The following FRK variants were observed in gnomAD, a reference collection of about 807,000 sequenced individuals.
FRK encodes tyrosine-protein kinase FRK.
Under a neutral mutation model 56.4 loss-of-function variants are expected in FRK, and 51 were observed. The ratio of observed to expected loss-of-function variants is 0.90; its 90% CI spans 0.72 to 1.14. The LOEUF (loss-of-function observed/expected upper bound fraction) is 1.14. FRK is among the 50% of genes most tolerant of loss of function. FRK has a pLI of 0.00. For missense variants in FRK, 570 were observed against 601.4 expected (o/e 0.95, Z 0.55); for synonymous variants, 245 against 217.9 (o/e 1.12, Z -1.10).
At chr6:116,059,889 T>C in intron 1 of FRK, 79 bp downstream of exon 1, 9 of 1,210,942 alleles carry the variant, frequency 7.4e-6, no homozygotes, top group Non-Finnish European at 1.1e-5. Flanking sequence ...CATTAGGGGG[T>C]TGTAGAGAAG....
chr6:115,952,588 C>T (rs1326744006), intron 5 of FRK, among the ~76,000 whole-genome samples: 2 of 151,060 alleles, frequency 1.3e-5, no homozygotes, highest in Non-Finnish European at 2.9e-5. Flanking sequence ...ACCCAAAGGA[C>T]TATAAATCAT....
rs1772256234 is a variant in FRK, at chr6:115,943,001, T to C, written c.1306+19A>G. ...AGTGACATGCAGCAGAAAGGTCCACTTCAGAATTAATTACTCACCACTGTA... is the reference window on the plus strand; with the variant it reads ...AGTGACATGCAGCAGAAAGGTCCACCTCAGAATTAATTACTCACCACTGTA... On this transcript the variant is annotated intron_variant, in intron 7 of 7. Transcript: ENST00000606080. 1.2e-6 allele frequency: 2 copies of C among 1,604,496 alleles called. No individual in the cohort carries two copies. Among genetic ancestry groups the C allele is most frequent in the Admixed American group, 3.4e-5 (2 of 58,020 alleles).
At chr6:116,012,923 T>C (rs1374260244) in intron 1 of FRK, among the ~76,000 whole-genome samples, 2 of 152,158 alleles carry the variant, frequency 1.3e-5, no homozygotes, top group African/African-American at 4.8e-5. Flanking sequence ...AAAATGAAAT[T>C]GATTTTTCTG....
chr6:116,089,867 T>C, the FRK span, among the ~76,000 whole-genome samples: 384 of 152,244 alleles, frequency 2.5e-3, 10 homozygotes, highest in South Asian at 0.044. Context: ...CAAGGCACAT[T>C]TGACTTTACT....
At chr6:116,098,100 C>A in the FRK span, among the ~76,000 whole-genome samples, 1 of 84,240 alleles carries the variant, frequency 1.2e-5, no homozygotes, top group African/African-American at 4.3e-5. Context: ...TTACAGACAG[C>A]TTTTTTTTTT....
In FRK at chr6:115,935,063, C is replaced by G. The variant is rs1315638125; in HGVS notation, c.*7351G>C. 1 of 152,334 alleles carries G rather than the reference C, an allele frequency of 6.6e-6. No homozygotes were observed. Among genetic ancestry groups the G allele is most frequent in the Non-Finnish European group, 1.5e-5 (1 of 68,186 alleles). The allele number at this position is 152,334 out of a possible 1,614,324, so 9.4% of individuals were successfully genotyped here. On this transcript the variant is annotated 3_prime_UTR_variant, in exon 8 of 8. Coordinates refer to ENST00000606080, the MANE Select transcript of FRK (RefSeq NM_002031.3). ...TCTGGTCTGATTGCTGGCAAGATGGCCAAATAGGAACAGCTCTGGTCTGCA... is the reference window on the plus strand; with the variant it reads ...TCTGGTCTGATTGCTGGCAAGATGGGCAAATAGGAACAGCTCTGGTCTGCA...
intron 4 of FRK, among the ~76,000 whole-genome samples, chr6:115,966,090 A>AATG (rs1554226813): frequency 1.4e-5 from 2 of 142,156 alleles, no homozygotes; most frequent in African/African-American, 5.2e-5. Context: ...CTTAAAAAAA[A>AATG]AAGAAGTATT....
chr6:116,018,962 A>T (rs1562288649), intron 1 of FRK, among the ~76,000 whole-genome samples: 1 of 152,170 alleles, frequency 6.6e-6, no homozygotes, highest in African/African-American at 2.4e-5. Flanking sequence ...AAGCTTGAGG[A>T]GCATATTTCT....
intron 2 of FRK, among the ~76,000 whole-genome samples, chr6:115,989,892 A>T (rs1299351904): frequency 2.0e-5 from 3 of 151,956 alleles, no homozygotes; most frequent in African/African-American, 7.2e-5. Context: ...ATACTAATTT[A>T]CATTCCCACT....
intron 4 of FRK, among the ~76,000 whole-genome samples, chr6:115,958,768 A>AG (rs1204679171): frequency 0.15 from 12,046 of 80,582 alleles, 2,133 homozygotes; most frequent in Middle Eastern, 0.22. Flanking sequence ...AGAAAGAAAG[A>AG]GGGGGGGGAA....
At position 115,932,091 on chromosome 6, in the gene FRK, C is replaced by A. The variant is rs956618616; in HGVS notation, c.*10323G>T. 1.3e-5 allele frequency: 2 copies of A among 152,132 alleles called. No homozygotes were observed. Among genetic ancestry groups the A allele is most frequent in the African/African-American group, 2.4e-5 (1 of 41,436 alleles). 9.4% of individuals were successfully genotyped at this position (152,132 alleles called of 1,614,324 possible). On this transcript the variant is annotated 3_prime_UTR_variant, in exon 8 of 8. Transcript: ENST00000606080. ...GGCATCTCTTTTCTTGTAATTTAAT[C>A]TTATAACATCTCTGTAGATAGTGTC...
chr6:116,087,652 G>A, the FRK span, among the ~76,000 whole-genome samples: 21 of 152,368 alleles, frequency 1.4e-4, no homozygotes, highest in African/African-American at 4.3e-4. Context: ...AGAAGGAACA[G>A]GGGGTTAGAG....
intron 2 of FRK, among the ~76,000 whole-genome samples, chr6:115,986,684 TATC>T (rs1774409414): frequency 6.6e-6 from 1 of 152,142 alleles, no homozygotes; most frequent in Admixed American, 6.6e-5. Context: ...GAAATAAAGT[TATC>T]ATAACATTCA....
chr6:116,029,186 A>T (rs1776209721), intron 1 of FRK, among the ~76,000 whole-genome samples: 1 of 152,168 alleles, frequency 6.6e-6, no homozygotes, highest in Non-Finnish European at 1.5e-5. Flanking sequence ...TAAAATAGTG[A>T]CACCACTCAT....
At position 115,968,624 on chromosome 6, in the gene FRK, G is replaced by T; in HGVS notation, c.582C>A (p.Thr194=). The T allele has an allele frequency of 6.2e-7, 1 of 1,613,694 alleles. No individual in the cohort carries two copies. The highest frequency in any genetic ancestry group is 1.3e-5 in the African/African-American group (1 of 74,968). ...STLNEFVSHY[T]KTSDGLCVKL... The stretch of plus-strand genomic sequence containing the variant: ...TGACACACAGGCCGTCACTTGTCTT[G>T]GTGTAGTGGCTCACAAATTCGTTCA... Residue 194 remains threonine, a synonymous_variant, in exon 3 of 8, where the codon ACC becomes ACA. Transcript: ENST00000606080.
At chr6:115,976,464 G>A (rs185240688) in intron 2 of FRK, among the ~76,000 whole-genome samples, 15 of 152,082 alleles carry the variant, frequency 9.9e-5, no homozygotes, top group Non-Finnish European at 1.9e-4. Context: ...ACGTCAAGTC[G>A]GCTCAGTGAA....
chr6:116,007,705 G>T (rs1292249810), intron 1 of FRK, among the ~76,000 whole-genome samples: 1 of 152,066 alleles, frequency 6.6e-6, no homozygotes, highest in Non-Finnish European at 1.5e-5. Flanking sequence ...AGCTGAATTA[G>T]TATATAAAGT....
intron 2 of FRK, among the ~76,000 whole-genome samples, chr6:115,981,253 T>C (rs566618070): frequency 6.6e-6 from 1 of 152,132 alleles, no homozygotes; most frequent in South Asian, 2.1e-4. Flanking sequence ...ATTCTATTAA[T>C]GAAAAAGAAA....
intron 2 of FRK, among the ~76,000 whole-genome samples, chr6:116,002,049 A>G (rs569658122): frequency 1.3e-5 from 2 of 152,362 alleles, no homozygotes; most frequent in African/African-American, 4.8e-5. Flanking sequence ...AAATCCTGAC[A>G]GGAAAAGTAT....
Sources: gnomAD v4.1 joint callset for allele counts (sites outside exome capture counted in the v4.1 genomes callset) on GRCh38, gnomAD v4.1.1 for gene constraint, MANE v1.5 for transcripts, NCBI Gene and HGNC (gene_info 2026-07-23, HGNC 2026-07-21) for gene names.